Variants in SUCLG2 observed in about 807,000 individuals in gnomAD.
The protein encoded by SUCLG2 is succinate-CoA ligase GDP-forming subunit beta.
Under a neutral mutation model 47.9 loss-of-function variants are expected in SUCLG2, and 42 were observed. The observed-to-expected ratio is 0.88, with a 90% CI of 0.69 to 1.14. SUCLG2 has a LOEUF of 1.14. Among genes scored for constraint, SUCLG2 ranks in the 50% most tolerant of loss-of-function variants. SUCLG2 has a pLI of 0.00. For synonymous variants in SUCLG2, 195 were observed against 197.3 expected (o/e 0.99, Z 0.10); for missense variants, 571 against 525.9 (o/e 1.09, Z -0.84).
intron 5 of SUCLG2, among the ~76,000 whole-genome samples, chr3:67,518,905 T>C (rs1239654218): frequency 6.6e-6 from 1 of 152,232 alleles, no homozygotes; most frequent in Admixed American, 6.5e-5. Flanking sequence ...CTAGGTGTTG[T>C]TGGTAAGTCT....
At chr3:67,462,219 C>A (rs977965465) in intron 9 of SUCLG2, among the ~76,000 whole-genome samples, 2 of 152,034 alleles carry the variant, frequency 1.3e-5, no homozygotes, top group Non-Finnish European at 2.9e-5. Flanking sequence ...GCTCCTTTTT[C>A]TTCCCACAGC....
intron 10 of SUCLG2, among the ~76,000 whole-genome samples, chr3:67,398,310 A>T (rs1335337597): frequency 2.0e-5 from 3 of 151,034 alleles, no homozygotes; most frequent in African/African-American, 7.3e-5. Context: ...CAATGAACTC[A>T]AACAAATTTA....
intron 9 of SUCLG2, among the ~76,000 whole-genome samples, chr3:67,473,730 C>A (rs1704663219): frequency 6.6e-6 from 1 of 152,192 alleles, no homozygotes. Context: ...AGCAGTACCA[C>A]CAGTCTTTAA....
intron 9 of SUCLG2, among the ~76,000 whole-genome samples, chr3:67,492,497 C>T (rs544448755): frequency 1.3e-5 from 2 of 152,198 alleles, no homozygotes; most frequent in South Asian, 4.2e-4. Flanking sequence ...AACCACAAAA[C>T]CCTACTTCTA....
chr3:67,498,471 C>T (rs1192668109), intron 7 of SUCLG2, among the ~76,000 whole-genome samples, 176 bp from the exon 8 acceptor site: 1 of 152,034 alleles, frequency 6.6e-6, no homozygotes, highest in Non-Finnish European at 1.5e-5. Context: ...GGGTTTGGTC[C>T]CTGTTGTCAA....
At chr3:67,639,527 C>G (rs1701063955) in intron 1 of SUCLG2, among the ~76,000 whole-genome samples, 1 of 144,960 alleles carries the variant, frequency 6.9e-6, no homozygotes, top group South Asian at 2.1e-4. Context: ...ACTCTTACTC[C>G]CAAGAGCAGC....
At chr3:67,435,897 A>G (rs952645017) in intron 9 of SUCLG2, among the ~76,000 whole-genome samples, 2 of 152,212 alleles carry the variant, frequency 1.3e-5, no homozygotes, top group African/African-American at 4.8e-5. Flanking sequence ...TATATTTTAG[A>G]CTGAAGTTCT....
At chr3:67,440,042 G>A (rs939998837) in intron 9 of SUCLG2, among the ~76,000 whole-genome samples, 11 of 151,974 alleles carry the variant, frequency 7.2e-5, no homozygotes, top group Non-Finnish European at 5.9e-5. Flanking sequence ...TATATAGACC[G>A]ATGGAATAGA....
chr3:67,650,318 C>G (rs1053247159), intron 1 of SUCLG2, among the ~76,000 whole-genome samples: 2 of 152,208 alleles, frequency 1.3e-5, no homozygotes, highest in Non-Finnish European at 2.9e-5. Context: ...TCCGTAAAGG[C>G]AGAAAATTAG....
intron 1 of SUCLG2, among the ~76,000 whole-genome samples, chr3:67,651,460 A>G (rs1575845597): frequency 2.6e-5 from 4 of 152,214 alleles, no homozygotes; most frequent in African/African-American, 7.2e-5. Flanking sequence ...GTCTCAGCTC[A>G]TATGTCAAAA....
chr3:67,598,859 T>C (rs1451873062), intron 2 of SUCLG2, among the ~76,000 whole-genome samples: 1 of 152,166 alleles, frequency 6.6e-6, no homozygotes, highest in Admixed American at 6.5e-5. Context: ...AAATGGAGCC[T>C]TCGAGAAGTT....
chr3:67,584,948 T>C (rs140059203), intron 2 of SUCLG2, among the ~76,000 whole-genome samples: 105 of 152,268 alleles, frequency 6.9e-4, no homozygotes, highest in African/African-American at 2.3e-3. Context: ...ATGAGGATTA[T>C]GGGAACTAAA....
At chr3:67,537,490 TC>T (rs1397660479) in intron 2 of SUCLG2, among the ~76,000 whole-genome samples, 4 of 152,242 alleles carry the variant, frequency 2.6e-5, no homozygotes, top group Non-Finnish European at 5.9e-5. Context: ...TTGGGTTGGT[TC>T]CAAGTCTTTG....
At chr3:67,509,899 A>G (rs1267199844) in intron 6 of SUCLG2, among the ~76,000 whole-genome samples, 1 of 152,146 alleles carries the variant, frequency 6.6e-6, no homozygotes, top group Admixed American at 6.6e-5. Flanking sequence ...TGAGTTTTCT[A>G]GGTTCCTGGG....
intron 10 of SUCLG2, among the ~76,000 whole-genome samples, chr3:67,360,942 GTC>G (rs929578075): frequency 6.6e-6 from 1 of 152,022 alleles, no homozygotes; most frequent in African/African-American, 2.4e-5. Context: ...TTTTTTCCCT[GTC>G]TCTCTCTCGT....
chr3:67,381,763 T>C (rs1702162942), intron 10 of SUCLG2, among the ~76,000 whole-genome samples: 1 of 152,168 alleles, frequency 6.6e-6, no homozygotes, highest in Non-Finnish European at 1.5e-5. Context: ...GAGTTTAAAA[T>C]GAAATCTTGC....
At chr3:67,566,189 C>T (rs1707450111) in intron 2 of SUCLG2, among the ~76,000 whole-genome samples, 1 of 152,194 alleles carries the variant, frequency 6.6e-6, no homozygotes, top group Admixed American at 6.5e-5. Context: ...ATACGGTGAA[C>T]ATTCTAGTCT....
At chr3:67,508,605 T>C (rs969059021) in intron 7 of SUCLG2, among the ~76,000 whole-genome samples, 5 of 152,130 alleles carry the variant, frequency 3.3e-5, no homozygotes, top group Admixed American at 3.3e-4. Flanking sequence ...GTAGCTTCCT[T>C]AGAGGCTTGG....
chr3:67,645,909 G>T (rs1381751967), intron 1 of SUCLG2, among the ~76,000 whole-genome samples: 1 of 150,944 alleles, frequency 6.6e-6, no homozygotes, highest in East Asian at 2.0e-4. Flanking sequence ...CAGAAGCTGG[G>T]GACAAAAAGC....
Sources: allele counts gnomAD v4.1 joint callset (sites outside exome capture counted in the v4.1 genomes callset), GRCh38; gene constraint gnomAD v4.1.1; transcripts MANE v1.5; gene names NCBI Gene and HGNC (gene_info 2026-07-23, HGNC 2026-07-21).